DHX35: variants seen among roughly 807,000 people sequenced by gnomAD.
The protein encoded by DHX35 is probable ATP-dependent RNA helicase DHX35.
Under a neutral mutation model 99.6 loss-of-function variants are expected in DHX35, and 84 were observed. The observed-to-expected ratio is 0.84, with a 90% confidence interval of 0.71 to 1.01. DHX35 has a LOEUF of 1.01. DHX35 is among the 50% of genes least tolerant of loss of function. The pLI is 0.00. For missense variants in DHX35, 852 were observed against 888.5 expected (o/e 0.96, Z 0.52); for synonymous variants, 331 against 316.2 (o/e 1.05, Z -0.50).
chr20:39,018,422 G>A (rs897080025), intron 14 of DHX35, among the ~76,000 whole-genome samples: 6 of 152,028 alleles, frequency 3.9e-5, no homozygotes, highest in East Asian at 1.9e-4. Flanking sequence ...GATGCCTTGC[G>A]TTTGGTGCTA....
At chr20:39,001,602 C>T (rs2086520873) in intron 8 of DHX35, 128 bp from the exon 9 acceptor site, 2 of 573,578 alleles carry the variant, frequency 3.5e-6, no homozygotes, top group Non-Finnish European at 5.9e-6. Context: ...AACCCATAAT[C>T]TGTATTGCAC....
At chr20:38,967,521 A>T (rs1016590266) in intron 1 of DHX35, among the ~76,000 whole-genome samples, 1 of 152,192 alleles carries the variant, frequency 6.6e-6, no homozygotes, top group Admixed American at 6.5e-5. Flanking sequence ...TATTACTCCT[A>T]GTTCTGTCCT....
chr20:39,010,457 G>A, intron 13 of DHX35, 53 bp downstream of exon 13: 1 of 1,604,896 alleles, frequency 6.2e-7, no homozygotes, highest in South Asian at 1.1e-5. Context: ...GCTCACAGGG[G>A]GATGTCAGGA....
intron 16 of DHX35, 149 bp from the exon 17 acceptor site, chr20:39,023,541 T>C: frequency 1.6e-6 from 1 of 617,450 alleles, no homozygotes; most frequent in Non-Finnish European, 2.9e-6. Context: ...TTTGTAGACA[T>C]GGGGTTTACC....
intron 16 of DHX35, among the ~76,000 whole-genome samples, chr20:39,023,097 G>A (rs535815244): frequency 2.6e-5 from 4 of 152,304 alleles, no homozygotes; most frequent in Admixed American, 6.5e-5. Context: ...TAACCTGGAG[G>A]AGGAGAGAGA....
Position 39,018,900 on chromosome 20 carries a change from G to T in DHX35, c.1498+1G>T, listed in dbSNP as rs753912182. On this transcript the variant is annotated splice_donor_variant, in intron 15 of 21. Coordinates refer to ENST00000252011, the MANE Select transcript of DHX35 (RefSeq NM_021931.4). LOFTEE classifies it high-confidence loss of function. ...TTTGCCAAAATGCTGCTTGAATCAG[G>T]TGGGTAGAGCCTGATAGCTTGAATT... 2 of 1,613,836 alleles carry T rather than the reference G, an allele frequency of 1.2e-6. No homozygotes were observed. The highest frequency in any genetic ancestry group is 3.3e-5 in the Admixed American group (2 of 60,000).
At chr20:38,989,379 C>T (rs58575641) in intron 5 of DHX35, among the ~76,000 whole-genome samples, 24,485 of 150,170 alleles carry the variant, frequency 0.16, 2,121 homozygotes, top group Middle Eastern at 0.31. Context: ...TCCCAAAGTG[C>T]TGGGATTACA....
chr20:39,002,475 C>T (rs563063976), intron 9 of DHX35, among the ~76,000 whole-genome samples: 3 of 152,218 alleles, frequency 2.0e-5, no homozygotes, highest in African/African-American at 7.2e-5. Context: ...ACCACAGCTT[C>T]CGATTTTCAC....
At chr20:38,991,405 A>G (rs1170454471) in intron 5 of DHX35, 49 bp from the exon 6 acceptor site, 2 of 1,533,462 alleles carry the variant, frequency 1.3e-6, no homozygotes, top group East Asian at 2.3e-5. Context: ...TACCATTAAT[A>G]TGTAGTGTAA....
rs535593618 is a variant in DHX35, at chr20:39,037,820, T to C, written c.2068-679T>C. Among the ~76,000 whole-genome samples the C allele has an allele frequency of 2.0e-5, 3 of 152,354 alleles. No individual in the cohort carries two copies. The East Asian group carries it at 5.8e-4, about 29-fold the overall frequency. On this transcript the variant is annotated intron_variant, in intron 21 of 21. Transcript: ENST00000252011. ...GATTTCTGCCACTTTTGGCTTTGCTTTAGAATGTAAAAAATACTTCATTTT... is the reference window on the plus strand; with the variant it reads ...GATTTCTGCCACTTTTGGCTTTGCTCTAGAATGTAAAAAATACTTCATTTT...
Position 39,006,216 on chromosome 20 carries a change from G to T in DHX35, c.1082G>T (p.Gly361Val). 6.2e-7 allele frequency: 1 copy of T among 1,614,152 alleles called. No homozygotes were observed. Among genetic ancestry groups the T allele is most frequent in the Non-Finnish European group, 8.5e-7 (1 of 1,180,038 alleles). ...GGCATTGTGTATGTGATCGACTGTG[G>T]CTTTGTGAAACTCCGAGCCTACAAT... is the stretch of plus-strand genomic sequence containing the variant. ...ISGIVYVIDCGFVKLRAYNPR... is the reference protein window; with the variant it reads ...ISGIVYVIDCVFVKLRAYNPR... Residue 361 changes from glycine (G) to valine (V), a missense_variant, in exon 12 of 22, where the codon GGC becomes GTC. By Grantham distance (109) the Gly-to-Val change is moderately radical. Transcript: ENST00000252011.
At chr20:39,013,557 G>A (rs770642936) in intron 13 of DHX35, among the ~76,000 whole-genome samples, 2 of 152,218 alleles carry the variant, frequency 1.3e-5, no homozygotes, top group Non-Finnish European at 2.9e-5. Context: ...TTTGTGGAGA[G>A]GGGGATAAGT....
chr20:39,037,049 A>C (rs2087165413), intron 21 of DHX35, among the ~76,000 whole-genome samples: 1 of 152,046 alleles, frequency 6.6e-6, no homozygotes, highest in Non-Finnish European at 1.5e-5. Flanking sequence ...TGTTGCTCTC[A>C]CCCTGTGTGG....
chr20:38,997,578 C>T (rs908620177), intron 8 of DHX35, among the ~76,000 whole-genome samples: 29 of 152,118 alleles, frequency 1.9e-4, no homozygotes, highest in Non-Finnish European at 4.4e-5. Context: ...CATGCTGGAC[C>T]TCTGGTAAGC....
At chr20:39,004,214 C>T (rs558673922) in intron 11 of DHX35, among the ~76,000 whole-genome samples, 34 of 152,264 alleles carry the variant, frequency 2.2e-4, no homozygotes, top group Admixed American at 1.2e-3. Context: ...AGGCGCCCGC[C>T]ACCACACCCG....
chr20:38,970,009 A>G (rs2085969784), intron 2 of DHX35, among the ~76,000 whole-genome samples: 1 of 152,234 alleles, frequency 6.6e-6, no homozygotes, highest in Admixed American at 6.5e-5. Context: ...AGGTGTGGCC[A>G]CCAGCATCTG....
At chr20:38,978,098 C>G in intron 3 of DHX35, 2 of 764,620 alleles carry the variant, frequency 2.6e-6, no homozygotes, top group Admixed American at 1.7e-5. Context: ...CTAATATGCA[C>G]TGGCCCTGAG....
In DHX35 at chr20:39,032,712, G is replaced by A. The variant is rs1024347020; in HGVS notation, c.1956-1494G>A. ...TACGAAATGCAGCTTCTCAGGCCAT[G>A]CCAAGTCCCATTCAATCAGAAACTG... On this transcript the variant is annotated intron_variant, in intron 20 of 21. Coordinates refer to ENST00000252011, the MANE Select transcript of DHX35 (RefSeq NM_021931.4). Among the ~76,000 whole-genome samples the A allele has an allele frequency of 2.6e-5, 4 of 152,160 alleles. No individual in the cohort carries two copies. The East Asian group carries it at 7.7e-4, about 29-fold the overall frequency.
At chr20:38,992,281 A>G in intron 6 of DHX35, 75 bp from the exon 7 acceptor site, 1 of 1,230,618 alleles carries the variant, frequency 8.1e-7, no homozygotes, top group South Asian at 1.2e-5. Context: ...AATACCCAGA[A>G]GCTCTTTGAT....
Sources: gnomAD v4.1 joint callset for allele counts (sites outside exome capture counted in the v4.1 genomes callset) on GRCh38, gnomAD v4.1.1 for gene constraint, MANE v1.5 for transcripts, NCBI Gene and HGNC (gene_info 2026-07-23, HGNC 2026-07-21) for gene names.